Variants in CACNA1G observed in about 807,000 individuals in gnomAD.
The protein encoded by CACNA1G is voltage-dependent T-type calcium channel subunit alpha-1G.
In CACNA1G, 67 loss-of-function variants were observed where a neutral mutation model predicts 219.4. That is an observed-to-expected ratio of 0.31 (90% confidence interval 0.25 to 0.37). The LOEUF (loss-of-function observed/expected upper bound fraction) is 0.37, where lower values mean the gene tolerates loss of function less well. CACNA1G is among the 10% of genes least tolerant of loss of function. The pLI, the probability that CACNA1G is intolerant of heterozygous loss-of-function variation, is 1.00. For synonymous variants in CACNA1G, 1,296 were observed against 1,345.3 expected, an observed-to-expected ratio of 0.96 and a Z score of 0.80; for missense variants, 2,380 against 3,231.4, an observed-to-expected ratio of 0.74 and a Z score of 6.39.
intron 26 of CACNA1G, among the ~76,000 whole-genome samples, chr17:50,611,817 C>T (rs2146095687): frequency 6.6e-6 from 1 of 152,320 alleles, no homozygotes; most frequent in Non-Finnish European, 1.5e-5. Context: ...TGCAGACTCT[C>T]ATGGCTCCTA....
At chr17:50,597,883 G>A (rs1464099993) in intron 16 of CACNA1G, among the ~76,000 whole-genome samples, 1 of 152,126 alleles carries the variant, frequency 6.6e-6, no homozygotes, top group East Asian at 1.9e-4. Context: ...ACATATAAGT[G>A]AGATCATATG....
Position 50,618,405 on chromosome 17 carries a change from C to G in CACNA1G, c.5427+62C>G. On this transcript the variant is annotated intron_variant, in intron 32 of 37. Transcript: ENST00000359106. This position sits in a 1 kb window ranked among gnomAD's most constrained non-coding sequence, Gnocchi z 5.3. Reference sequence around the variant, plus strand: ...AGCCCCACTTCCTGAGCTAGGATTCCTTGGGAAGATGAATTGGCCACAAAT... The same window carrying G: ...AGCCCCACTTCCTGAGCTAGGATTCGTTGGGAAGATGAATTGGCCACAAAT... The G allele has an allele frequency of 6.3e-7, 1 of 1,591,292 alleles. No homozygotes were observed. The highest frequency in any genetic ancestry group is 8.6e-7 in the Non-Finnish European group (1 of 1,164,156).
At position 50,623,829 on chromosome 17, in the gene CACNA1G, T is replaced by G. The variant is rs372875893; in HGVS notation, c.6061-78T>G. 2.0e-5 allele frequency: 30 copies of G among 1,476,728 alleles called. No homozygotes were observed. The East Asian group carries it at 3.9e-4, about 19-fold the overall frequency. 91.5% of individuals were successfully genotyped at this position (1,476,728 alleles called of 1,614,324 possible). On this transcript the variant is annotated intron_variant, in intron 35 of 37. Coordinates refer to ENST00000359106, the MANE Select transcript of CACNA1G (RefSeq NM_018896.5). ...GGCTGGGCGGGGGGCGCTGCTGCTT[T>G]CTGTTGTCAGCGCTGCCTCAGTTAC...
At chr17:50,623,349 C>T (rs1331647429) in intron 35 of CACNA1G, among the ~76,000 whole-genome samples, 4 of 140,008 alleles carry the variant, frequency 2.9e-5, no homozygotes, top group Non-Finnish European at 6.0e-5. Flanking sequence ...TGAGCTCAAG[C>T]GATCTGCCCA....
chr17:50,565,031 C>A (rs868734429), intron 1 of CACNA1G, among the ~76,000 whole-genome samples: 3 of 152,012 alleles, frequency 2.0e-5, no homozygotes, highest in Admixed American at 6.5e-5. Context: ...CAGCCCCCCC[C>A]ACCCTCGCCT....
At chr17:50,597,029 G>A (rs2045706682) in intron 16 of CACNA1G, 106 bp downstream of exon 16, 1 of 1,037,944 alleles carries the variant, frequency 9.6e-7, no homozygotes. Context: ...CCTGCCCCAT[G>A]GGCTGGATGG....
chr17:50,585,069 T>C (rs1187814721), intron 9 of CACNA1G, among the ~76,000 whole-genome samples: 1 of 152,142 alleles, frequency 6.6e-6, no homozygotes, highest in Non-Finnish European at 1.5e-5. Context: ...GCAGCCTTTA[T>C]GTGGCCTACT....
At chr17:50,611,027 G>A (rs974314654) in intron 26 of CACNA1G, among the ~76,000 whole-genome samples, 6 of 151,958 alleles carry the variant, frequency 3.9e-5, no homozygotes, top group South Asian at 2.1e-4. Flanking sequence ...AGGCTGAGGC[G>A]GGCAGATCAT....
At chr17:50,576,762 G>C (rs957370704) in intron 8 of CACNA1G, among the ~76,000 whole-genome samples, 1 of 152,196 alleles carries the variant, frequency 6.6e-6, no homozygotes, top group African/African-American at 2.4e-5. Flanking sequence ...CTTTGCTATT[G>C]GTGAGGGGCG....
chr17:50,580,411 C>T (rs542652230), intron 9 of CACNA1G, among the ~76,000 whole-genome samples: 1 of 152,284 alleles, frequency 6.6e-6, no homozygotes, highest in African/African-American at 2.4e-5. Flanking sequence ...GGGGGCACCT[C>T]CCCAGTGCCC....
chr17:50,623,317 G>A (rs1030066397), intron 35 of CACNA1G, among the ~76,000 whole-genome samples: 4 of 106,212 alleles, frequency 3.8e-5, no homozygotes, highest in Admixed American at 1.3e-4. Context: ...TTGCCATGTT[G>A]CCCAGGCTGG....
In CACNA1G at chr17:50,621,605, C is replaced by T. The variant is rs767139338; in HGVS notation, c.5926-55C>T. On this transcript the variant is annotated intron_variant, in intron 34 of 37. Transcript: ENST00000359106. The surrounding 1 kb of genome is among the most constrained non-coding windows in gnomAD (Gnocchi z 4.6). The stretch of plus-strand genomic sequence containing the variant: ...GAGAGAGCGCGTGTGTGCGTGTGCA[C>T]GCGCGTGTGCGCTGTCCTGGTTTCT... 51 of 1,592,284 alleles carry T rather than the reference C, an allele frequency of 3.2e-5. No homozygotes were observed. Among genetic ancestry groups the T allele is most frequent in the Admixed American group, 5.1e-5 (3 of 59,398 alleles).
In CACNA1G at chr17:50,572,696, C is replaced by A; in HGVS notation, c.889C>A (p.Pro297Thr). ...GCGCGGGGACGGGGGCGGTGGCCCA[C>A]CTTGCGGTCTGGACTATGAGGCCTA... ...TLRGDGGGGP[P>T]CGLDYEAYNS... is the part of the protein sequence containing the mutation. Residue 297 changes from proline (P) to threonine (T), a missense_variant, in exon 6 of 38, where the codon CCT (proline) becomes ACT (threonine). Physicochemically the swap from Pro to Thr is conservative, Grantham distance 38. This residue lies in a region of CACNA1G where 68 missense variants were observed against 85.3 expected (regional missense o/e 0.80). Coordinates refer to ENST00000359106, the MANE Select transcript of CACNA1G (RefSeq NM_018896.5). 3.1e-6 allele frequency: 5 copies of A among 1,613,528 alleles called. No individual in the cohort carries two copies. Among genetic ancestry groups the A allele is most frequent in the Non-Finnish European group, 4.2e-6 (5 of 1,179,682 alleles).
At position 50,599,321 on chromosome 17, in the gene CACNA1G, C is replaced by T. The variant is rs375133284; in HGVS notation, c.3259-107C>T. ...AGAGTCCAGAGCTCCTGCTCACATC[C>T]CTACACTTGATGTGATGCCAGTGAG... On this transcript the variant is annotated intron_variant, in intron 16 of 37. Transcript: ENST00000359106. The T allele has an allele frequency of 6.8e-4, 702 of 1,028,170 alleles. 4 individuals carry two copies. In the African/African-American group the frequency reaches 0.01, roughly 15 times the overall value. 63.7% of individuals were successfully genotyped at this position (1,028,170 alleles called of 1,614,324 possible).
At chr17:50,566,306 AC>A (rs35295889) in intron 1 of CACNA1G, among the ~76,000 whole-genome samples, 2,824 of 138,280 alleles carry the variant, frequency 0.02, 43 homozygotes, top group African/African-American at 0.032. Context: ...AGGGTGAAAG[AC>A]CCCCCCCCCA....
chr17:50,582,738 A>G (rs1453162077), intron 9 of CACNA1G, among the ~76,000 whole-genome samples: 1 of 151,852 alleles, frequency 6.6e-6, no homozygotes, highest in Non-Finnish European at 1.5e-5. Flanking sequence ...GTGCTAGTCT[A>G]ATGTTCTAGA....
At chr17:50,590,267 C>T (rs1320259617) in intron 9 of CACNA1G, among the ~76,000 whole-genome samples, 2 of 152,154 alleles carry the variant, frequency 1.3e-5, no homozygotes, top group Non-Finnish European at 2.9e-5. Flanking sequence ...TTCACGTGGC[C>T]CTTTCCTGGG....
rs1555559418 is a variant in CACNA1G, at chr17:50,608,525, G to GATAGAT, written c.4705+509_4705+510insGATATA. Among the ~76,000 whole-genome samples the GATAGAT allele has an allele frequency of 1.3e-3, 178 of 141,772 alleles. 1 individual carries two copies. The highest frequency in any genetic ancestry group is 4.5e-3 in the African/African-American group (172 of 38,512). The allele number at this position is 141,772 out of a possible 152,430, so 93.0% of individuals were successfully genotyped here. On this transcript the variant is annotated intron_variant, in intron 25 of 37. Coordinates refer to ENST00000359106, the MANE Select transcript of CACNA1G (RefSeq NM_018896.5). ...TATCTCTAACAAAACTTTCTACCAT[G>GATAGAT]ATATATATATATATATATATATATT...
At chr17:50,573,964 A>T (rs1490321114) in intron 7 of CACNA1G, among the ~76,000 whole-genome samples, 1 of 152,190 alleles carries the variant, frequency 6.6e-6, no homozygotes, top group East Asian at 1.9e-4. Context: ...ACATTTCCTC[A>T]TTTATCTGAC....
Sources: gnomAD v4.1 joint callset for allele counts (sites outside exome capture counted in the v4.1 genomes callset) on GRCh38, gnomAD v4.1.1 for gene constraint, gnomAD v4.1.1 regional missense constraint, Gnocchi (gnomAD v3.1) non-coding constraint, MANE v1.5 for transcripts, NCBI Gene and HGNC (gene_info 2026-07-23, HGNC 2026-07-21) for gene names.